TARBP1: variants seen among roughly 807,000 people sequenced by gnomAD.
The protein encoded by TARBP1 is tRNA (guanosine(18)-2'-O)-methyltransferase TARBP1.
A neutral mutation model predicts 178.6 loss-of-function variants in TARBP1; 144 were observed. That is an observed-to-expected ratio of 0.81 (90% CI 0.70 to 0.93). The LOEUF (loss-of-function observed/expected upper bound fraction) is 0.93. TARBP1 is among the 40% of genes least tolerant of loss of function. The pLI, the probability that TARBP1 is intolerant of heterozygous loss-of-function variation, is 0.00. For synonymous variants in TARBP1, 787 were observed against 781.0 expected (o/e 1.01, Z -0.13); for missense variants, 2,067 against 2,011.7 (o/e 1.03, Z -0.53).
chr1:234,451,504 T>G lies in TARBP1; in HGVS notation c.1723-938A>C, dbSNP rs1185704242. Among the ~76,000 whole-genome samples the G allele has an allele frequency of 8.7e-5, 3 of 34,372 alleles. 1 individual carries two copies. The African/African-American group carries it at 9.1e-4, about 10-fold the overall frequency. The allele number at this position is 34,372 out of a possible 152,430, so 22.5% of individuals were successfully genotyped here. A position where few individuals can be genotyped will look rare whatever the true frequency, so the allele number is the denominator to read the frequency against. ...GGCTCACGCCTGTAATCCCAGCACT[T>G]TGGGAGGCCGAGGCGGGCGGATCAC... is the stretch of plus-strand genomic sequence containing the variant. On this transcript the variant is annotated intron_variant, in intron 9 of 29. Coordinates refer to ENST00000040877, the MANE Select transcript of TARBP1 (RefSeq NM_005646.4).
chr1:234,472,476 T>G (rs929770072), intron 2 of TARBP1, among the ~76,000 whole-genome samples: 1 of 151,854 alleles, frequency 6.6e-6, no homozygotes, highest in African/African-American at 2.4e-5. Flanking sequence ...AACGTTAAAG[T>G]TTTAGAATGG....
Position 234,401,186 on chromosome 1 carries a change from G to T in TARBP1, c.4066C>A (p.Leu1356Ile). 1 of 1,611,926 alleles carries T rather than the reference G, an allele frequency of 6.2e-7. No individual in the cohort carries two copies. The highest frequency in any genetic ancestry group is 1.1e-5 in the South Asian group (1 of 90,892). ...ATFHPLKDYC[L>I]ETIFYILPRL... ...AAATGATATTCTCTACTCACCTCTA[G>T]ACAATAATCCTTGAGTGGGTGAAAT... The change falls in exon 25 of 30, where the codon CTA (leucine) becomes ATA (isoleucine). Residue 1356 changes from leucine to isoleucine, a missense_variant. Coordinates refer to ENST00000040877, the MANE Select transcript of TARBP1 (RefSeq NM_005646.4).
chr1:234,428,800 C>T (rs1214250308), intron 17 of TARBP1, among the ~76,000 whole-genome samples: 1 of 152,202 alleles, frequency 6.6e-6, no homozygotes, highest in Non-Finnish European at 1.5e-5. Flanking sequence ...CCCGCCTCAG[C>T]CTCTCAAAGT....
chr1:234,428,960 T>C (rs971248403), intron 17 of TARBP1, among the ~76,000 whole-genome samples, 176 bp downstream of exon 17: 1 of 152,196 alleles, frequency 6.6e-6, no homozygotes, highest in African/African-American at 2.4e-5. Flanking sequence ...TACCTTCTCT[T>C]CTACATCTGT....
At chr1:234,450,239 T>C (rs1328999860) in intron 10 of TARBP1, among the ~76,000 whole-genome samples, 189 bp downstream of exon 10, 2 of 152,134 alleles carry the variant, frequency 1.3e-5, no homozygotes, top group African/African-American at 4.8e-5. Flanking sequence ...TCAGAACAGA[T>C]AAAGTATTAA....
chr1:234,433,206 C>A (rs1228219774), intron 14 of TARBP1, among the ~76,000 whole-genome samples: 1 of 152,062 alleles, frequency 6.6e-6, no homozygotes, highest in Non-Finnish European at 1.5e-5. Flanking sequence ...CCACTGCACC[C>A]CAGCCTGGGT....
rs1176229048 is a variant in TARBP1, at chr1:234,418,238, GA to G, written c.3556-6del. ...AATAATTCCATTCAAGAAATTCTGAGAAAAAAAGTTCACAATTAACCAGTTA... is the reference window on the plus strand; with the variant it reads ...AATAATTCCATTCAAGAAATTCTGAGAAAAAAGTTCACAATTAACCAGTTA... On this transcript the variant is annotated splice_region_variant and splice_polypyrimidine_tract_variant and intron_variant, in intron 21 of 29. Coordinates refer to ENST00000040877, the MANE Select transcript of TARBP1 (RefSeq NM_005646.4). The G allele has an allele frequency of 1.3e-6, 2 of 1,544,386 alleles. No homozygotes were observed. The highest frequency in any genetic ancestry group is 4.9e-5 in the Admixed American group (2 of 40,636).
At chr1:234,471,290 G>A (rs368887837) in intron 2 of TARBP1, 33 bp from the exon 3 acceptor site, 60 of 1,386,898 alleles carry the variant, frequency 4.3e-5, no homozygotes, top group Non-Finnish European at 5.9e-5. Flanking sequence ...CATATGAAAT[G>A]AAAATGCATC....
intron 12 of TARBP1, among the ~76,000 whole-genome samples, chr1:234,443,398 C>T (rs1163777103): frequency 1.3e-5 from 2 of 151,854 alleles, no homozygotes; most frequent in Non-Finnish European, 2.9e-5. Flanking sequence ...AGTCAAAAAG[C>T]AATCACAGTC....
At chr1:234,476,975 G>C (rs928226375) in intron 1 of TARBP1, among the ~76,000 whole-genome samples, 2 of 152,208 alleles carry the variant, frequency 1.3e-5, no homozygotes, top group African/African-American at 2.4e-5. Context: ...CACCTGAGGT[G>C]AGGAGTTTGA....
chr1:234,423,369 T>C (rs1174481572), intron 20 of TARBP1, among the ~76,000 whole-genome samples: 1 of 152,194 alleles, frequency 6.6e-6, no homozygotes, highest in East Asian at 1.9e-4. Context: ...CATACAAACA[T>C]GCTCCAATTA....
chr1:234,395,030 C>A (rs531058491), intron 26 of TARBP1, among the ~76,000 whole-genome samples: 53 of 151,972 alleles, frequency 3.5e-4, no homozygotes, highest in African/African-American at 1.2e-3. Flanking sequence ...TTGAGGCCGG[C>A]CTGGCCAACA....
chr1:234,445,886 G>A (rs2103201125), intron 12 of TARBP1, among the ~76,000 whole-genome samples: 1 of 151,884 alleles, frequency 6.6e-6, no homozygotes, highest in Non-Finnish European at 1.5e-5. Flanking sequence ...AATTTTTCAA[G>A]AGCACATGTG....
intron 6 of TARBP1, among the ~76,000 whole-genome samples, chr1:234,461,887 ATAGTTG>A (rs1667894071): frequency 6.6e-6 from 1 of 152,230 alleles, no homozygotes; most frequent in Non-Finnish European, 1.5e-5. Context: ...GTTTTCTCAC[ATAGTTG>A]TAGAATGACT....
intron 1 of TARBP1, among the ~76,000 whole-genome samples, chr1:234,473,709 T>C (rs1289425865): frequency 6.6e-6 from 1 of 152,234 alleles, no homozygotes; most frequent in African/African-American, 2.4e-5. Flanking sequence ...ACAGCACCAC[T>C]CATGGGCTTA....
chr1:234,401,708 G>A (rs553605096), intron 24 of TARBP1, among the ~76,000 whole-genome samples: 104 of 152,284 alleles, frequency 6.8e-4, no homozygotes, highest in Middle Eastern at 3.4e-3. Flanking sequence ...GCAGGTTTCA[G>A]ATAAAATTCA....
rs1669830212 is a variant in TARBP1 at position 234,478,693 on chromosome 1, GGCGCCAGGCGC to G, written c.400_410del (p.Ala134ArgfsTer43). The stretch of plus-strand genomic sequence containing the variant: ...CTGCTAGCACTTCCACGGCAGCCTC[GGCGCCAGGCGC>G]GCGCCACCCGGCGAGCAGATCGCGC... On this transcript the variant is annotated frameshift_variant, in exon 1 of 30. Coordinates refer to ENST00000040877, the MANE Select transcript of TARBP1 (RefSeq NM_005646.4). LOFTEE classifies it high-confidence loss of function. 16 of 1,216,556 alleles carry G rather than the reference GGCGCCAGGCGC, an allele frequency of 1.3e-5. No individual in the cohort carries two copies. The highest frequency in any genetic ancestry group is 1.6e-5 in the Non-Finnish European group (16 of 977,330). The allele number at this position is 1,216,556 out of a possible 1,614,324, so 75.4% of individuals were successfully genotyped here.
At position 234,398,462 on chromosome 1, in the gene TARBP1, A is replaced by G. The variant is rs1660364672; in HGVS notation, c.4163T>C (p.Leu1388Ser). ...AAGGTACCACTGAAATCCCGCAGCTAAAGGAACATCAGTGAATCTGGTAAA... is the reference window on the plus strand; with the variant it reads ...AAGGTACCACTGAAATCCCGCAGCTGAAGGAACATCAGTGAATCTGGTAAA... ...DKFTRFTDVP[L>S]AAGFQWYLSQ... is the part of the protein sequence containing the mutation. The change falls in exon 26 of 30, where the codon TTA (leucine) becomes TCA (serine). Residue 1388 changes from leucine to serine, a missense_variant. Coordinates refer to ENST00000040877, the MANE Select transcript of TARBP1 (RefSeq NM_005646.4). 1 of 1,611,950 alleles carries G rather than the reference A, an allele frequency of 6.2e-7. No individual in the cohort carries two copies. The highest frequency in any genetic ancestry group is 8.5e-7 in the Non-Finnish European group (1 of 1,178,602).
At chr1:234,419,175 A>AAAAAAT (rs1662798366) in intron 21 of TARBP1, among the ~76,000 whole-genome samples, 1 of 152,074 alleles carries the variant, frequency 6.6e-6, no homozygotes, top group African/African-American at 2.4e-5. Context: ...TCCGTCTCAA[A>AAAAAAT]AAAAATAAAA....
Sources: gnomAD v4.1 joint callset for allele counts (sites outside exome capture counted in the v4.1 genomes callset) on GRCh38, gnomAD v4.1.1 for gene constraint, MANE v1.5 for transcripts, NCBI Gene and HGNC (gene_info 2026-07-23, HGNC 2026-07-21) for gene names.